SCN9A: variants seen among roughly 807,000 people sequenced by gnomAD.
The protein encoded by SCN9A is sodium channel protein type 9 subunit alpha.
A neutral mutation model predicts 187.0 loss-of-function variants in SCN9A; 131 were observed. The observed-to-expected ratio is 0.70, with a 90% CI of 0.61 to 0.81. SCN9A has a LOEUF of 0.81. SCN9A is among the 30% of genes least tolerant of loss of function. The pLI is 0.00. For synonymous variants in SCN9A, 809 were observed against 808.6 expected (o/e 1.00, Z -0.01); for missense variants, 2,252 against 2,396.6 (o/e 0.94, Z 1.26).
chr2:166,237,490 C>G (rs1695369310), intron 20 of SCN9A, among the ~76,000 whole-genome samples: 1 of 152,046 alleles, frequency 6.6e-6, no homozygotes, highest in South Asian at 2.1e-4. Context: ...AGATGAAGGG[C>G]AAGTCGCATA....
intron 24 of SCN9A, among the ~76,000 whole-genome samples, chr2:166,218,169 CCAA>C (rs1694418456): frequency 1.4e-5 from 2 of 148,130 alleles, no homozygotes; most frequent in African/African-American, 5.0e-5. Flanking sequence ...GTCATTCATC[CCAA>C]CATGAATGAA....
At chr2:166,217,908 C>A (rs76191845) in intron 24 of SCN9A, among the ~76,000 whole-genome samples, 3,143 of 151,946 alleles carry the variant, frequency 0.021, 120 homozygotes, top group African/African-American at 0.073. Context: ...ATCGTTCTGT[C>A]AAAGGTATAC....
chr2:166,363,612 T>C (rs1700341411), intron 1 of SCN9A, among the ~76,000 whole-genome samples: 1 of 146,726 alleles, frequency 6.8e-6, no homozygotes, highest in Non-Finnish European at 1.6e-5. Flanking sequence ...ACATTCAGAC[T>C]AAAAACCAGA....
intron 17 of SCN9A, among the ~76,000 whole-genome samples, chr2:166,267,466 T>C (rs1233990835): frequency 6.6e-6 from 1 of 151,936 alleles, no homozygotes. Flanking sequence ...TAGTATTTTG[T>C]TGGGGCATTT....
chr2:166,321,412 TGA>T (rs1699237549), intron 1 of SCN9A: 1 of 151,702 alleles, frequency 6.6e-6, no homozygotes, highest in Non-Finnish European at 1.5e-5. Flanking sequence ...CTCAGCTGCT[TGA>T]GAGTAGCTAA....
At chr2:166,341,999 T>A (rs1699797587) in intron 1 of SCN9A, among the ~76,000 whole-genome samples, 1 of 152,194 alleles carries the variant, frequency 6.6e-6, no homozygotes, top group East Asian at 1.9e-4. Flanking sequence ...ATAGGGAGGG[T>A]TGCAGACTTG....
intron 24 of SCN9A, among the ~76,000 whole-genome samples, chr2:166,219,919 T>C (rs1694510435): frequency 6.6e-6 from 1 of 152,102 alleles, no homozygotes; most frequent in Non-Finnish European, 1.5e-5. Context: ...TTGTACCCCA[T>C]AAATAAGCAC....
In SCN9A at chr2:166,197,327, T is replaced by C. The variant is rs1213703782; in HGVS notation, c.*1345A>G. The C allele has an allele frequency of 6.6e-6, 1 of 152,196 alleles. No individual in the cohort carries two copies. Among genetic ancestry groups the C allele is most frequent in the African/African-American group, 2.4e-5 (1 of 41,468 alleles). 9.4% of individuals were successfully genotyped at this position (152,196 alleles called of 1,614,324 possible). A position where few individuals can be genotyped will look rare whatever the true frequency, so the allele number is the denominator to read the frequency against. On this transcript the variant is annotated 3_prime_UTR_variant, in exon 27 of 27. Coordinates refer to ENST00000642356, the MANE Select transcript of SCN9A (RefSeq NM_001365536.1). The stretch of plus-strand genomic sequence containing the variant: ...GTCTACAGCTAATGCAAAATGAATA[T>C]GTGCTTGATAAATTAGAAGCCCATG...
intron 8 of SCN9A, among the ~76,000 whole-genome samples, chr2:166,294,040 G>C (rs1698194771): frequency 6.6e-6 from 1 of 152,174 alleles, no homozygotes; most frequent in Admixed American, 6.5e-5. Context: ...GGAAAAGCAA[G>C]AGCTTATGCA....
intron 7 of SCN9A, among the ~76,000 whole-genome samples, chr2:166,297,196 CAAAAAAAAAAA>C (rs71031236): frequency 5.5e-4 from 18 of 32,902 alleles, no homozygotes; most frequent in East Asian, 1.6e-3. Context: ...GACTCCATCT[CAAAAAAAAAAA>C]AAAAAAAAAA....
intron 1 of SCN9A, among the ~76,000 whole-genome samples, chr2:166,359,791 A>G (rs1022136235): frequency 3.3e-5 from 5 of 151,878 alleles, no homozygotes; most frequent in African/African-American, 1.2e-4. Context: ...AAATTCTATG[A>G]TTATTAAAAT....
intron 17 of SCN9A, among the ~76,000 whole-genome samples, chr2:166,267,077 C>T (rs4331518): frequency 0.73 from 110,747 of 151,736 alleles, 40,777 homozygotes; most frequent in East Asian, 0.79. Flanking sequence ...CTGGCTAGAA[C>T]TTCATTACTA....
At position 166,209,761 on chromosome 2, in the gene SCN9A, C is replaced by G. The variant is rs1191586149; in HGVS notation, c.4399-5297G>C. Among the ~76,000 whole-genome samples the G allele has an allele frequency of 4.0e-5, 6 of 151,574 alleles. No individual in the cohort carries two copies. In the East Asian group the frequency reaches 1.2e-3, roughly 30 times the overall value. ...GCAAATCAAAACCGCAATGAGATAC[C>G]ATCTCATACCAGTTAGAATGGTGAT... is the stretch of plus-strand genomic sequence containing the variant. On this transcript the variant is annotated intron_variant, in intron 24 of 26. Transcript: ENST00000642356.
Position 166,281,701 on chromosome 2 carries a change from G to A in SCN9A, c.2082C>T (p.Ser694=). ...TACCTTCCACAGTGTTTGTTAATAT[G>A]CTTGCTCTACTCATTGCTCTCTGTC... ...NLRQRAMSRA[S]ILTNTVEELE... The change falls in exon 13 of 27, where the codon AGC becomes AGT. Residue 694 remains serine, a synonymous_variant. Transcript: ENST00000642356. 1 of 1,613,020 alleles carries A rather than the reference G, an allele frequency of 6.2e-7. No homozygotes were observed. The highest frequency in any genetic ancestry group is 8.5e-7 in the Non-Finnish European group (1 of 1,179,348).
At chr2:166,227,118 T>G (rs1431278977) in intron 23 of SCN9A, among the ~76,000 whole-genome samples, 4 of 152,138 alleles carry the variant, frequency 2.6e-5, no homozygotes, top group Non-Finnish European at 5.9e-5. Flanking sequence ...CTTTATTATA[T>G]TTTGTAAAAA....
intron 14 of SCN9A, 95 bp downstream of exon 14, chr2:166,280,262 G>A: frequency 1.4e-6 from 1 of 714,992 alleles, no homozygotes; most frequent in South Asian, 1.9e-5. Context: ...ATAATTCTGA[G>A]GCTGCAGATT....
At chr2:166,245,634 G>A (rs2106415124) in intron 18 of SCN9A, among the ~76,000 whole-genome samples, 1 of 152,008 alleles carries the variant, frequency 6.6e-6, no homozygotes, top group East Asian at 1.9e-4. Context: ...AGTAACTACA[G>A]TGAATTCTTC....
intron 1 of SCN9A, among the ~76,000 whole-genome samples, chr2:166,336,493 G>A (rs1173904841): frequency 6.6e-6 from 1 of 152,118 alleles, no homozygotes; most frequent in Non-Finnish European, 1.5e-5. Flanking sequence ...AGAGGACAGA[G>A]AGGCTGCTAA....
In SCN9A at chr2:166,310,719, C is replaced by A. The variant is rs558701088; in HGVS notation, c.258+780G>T. ...CCTCAGGGATCTAGAACTAGAAATA[C>A]CATTTGACCCAGCCATCCCATTACT... On this transcript the variant is annotated intron_variant, in intron 2 of 26. Transcript: ENST00000642356. Among the ~76,000 whole-genome samples, 34 of 129,954 alleles carry A rather than the reference C, an allele frequency of 2.6e-4. 1 individual carries two copies. The highest frequency in any genetic ancestry group is 1.0e-3 in the African/African-American group (32 of 31,392). The allele number at this position is 129,954 out of a possible 152,430, so 85.3% of individuals were successfully genotyped here. A position where few individuals can be genotyped will look rare whatever the true frequency, so the allele number is the denominator to read the frequency against.
Sources: allele counts gnomAD v4.1 joint callset (sites outside exome capture counted in the v4.1 genomes callset), GRCh38; gene constraint gnomAD v4.1.1; transcripts MANE v1.5; gene names NCBI Gene and HGNC (gene_info 2026-07-23, HGNC 2026-07-21).